Variants in AKAP19 observed in about 807,000 individuals in gnomAD.
AKAP19 encodes the protein A-kinase anchoring protein 19.
chr2:190,008,769 CACCCA>C, the AKAP19 span, among the ~76,000 whole-genome samples: 5 of 35,356 alleles, frequency 1.4e-4, no homozygotes, highest in Middle Eastern at 0.02. Flanking sequence ...CACACACACA[CACCCA>C]CCTGGTCTCC....
chr2:190,023,578 G>T, the AKAP19 span, among the ~76,000 whole-genome samples: 2 of 151,542 alleles, frequency 1.3e-5, no homozygotes, highest in East Asian at 3.9e-4. Context: ...TAATAATTTG[G>T]GGAAAAATAT....
chr2:189,986,823 G>A, the AKAP19 span, among the ~76,000 whole-genome samples: 6 of 152,144 alleles, frequency 3.9e-5, no homozygotes, highest in Non-Finnish European at 5.9e-5. Context: ...CTTTCCTAAA[G>A]CCTCCTTCAA....
At chr2:190,017,012 T>C in the AKAP19 span, among the ~76,000 whole-genome samples, 1 of 152,202 alleles carries the variant, frequency 6.6e-6, no homozygotes. Flanking sequence ...CTTGATAAAT[T>C]GACCCTTTTA....
At chr2:190,073,877 C>A in the AKAP19 span, among the ~76,000 whole-genome samples, 19 of 151,914 alleles carry the variant, frequency 1.3e-4, no homozygotes, top group African/African-American at 4.6e-4. Flanking sequence ...ATGGTGAAAC[C>A]CCATCTCTAC....
the AKAP19 span, among the ~76,000 whole-genome samples, chr2:190,077,443 A>AC: frequency 1.5e-5 from 2 of 134,244 alleles, no homozygotes; most frequent in African/African-American, 7.5e-5. Flanking sequence ...TAAACATTTA[A>AC]AATGTTAACA....
the AKAP19 span, among the ~76,000 whole-genome samples, chr2:190,113,244 A>T: frequency 2.0e-5 from 3 of 151,956 alleles, no homozygotes; most frequent in African/African-American, 7.3e-5. Flanking sequence ...TTTCCTCATG[A>T]TATTCTCCTT....
chr2:190,180,970 A>T, the AKAP19 span: 3 of 985,512 alleles, frequency 3.0e-6, no homozygotes, highest in Non-Finnish European at 3.6e-6. This position sits in a 1 kb window ranked among gnomAD's most constrained non-coding sequence, Gnocchi z 6.8. Context: ...GCCCGCCCAG[A>T]CGCCAGCAAG....
chr2:190,068,729 G>C, the AKAP19 span, among the ~76,000 whole-genome samples: 1 of 152,186 alleles, frequency 6.6e-6, no homozygotes, highest in Non-Finnish European at 1.5e-5. Flanking sequence ...GCAAGGTGTA[G>C]TTAGTGTATT....
At chr2:190,062,689 C>T in the AKAP19 span, 3 of 1,228,694 alleles carry the variant, frequency 2.4e-6, no homozygotes, top group Non-Finnish European at 3.4e-6. Context: ...AATTTTAATG[C>T]ATGTACAGTC....
chr2:190,006,277 C>A, the AKAP19 span, among the ~76,000 whole-genome samples: 12 of 152,220 alleles, frequency 7.9e-5, no homozygotes, highest in Non-Finnish European at 1.0e-4. Context: ...GCTTCCCCAA[C>A]CTTACCATCA....
At chr2:190,070,847 A>G in the AKAP19 span, among the ~76,000 whole-genome samples, 3 of 152,338 alleles carry the variant, frequency 2.0e-5, no homozygotes, top group East Asian at 5.8e-4. Context: ...GGTAAAATTC[A>G]AATACTTGAT....
the AKAP19 span, among the ~76,000 whole-genome samples, chr2:190,020,572 A>G: frequency 3.3e-5 from 5 of 152,138 alleles, no homozygotes; most frequent in Non-Finnish European, 7.4e-5. Context: ...TCACTTAAAT[A>G]CTCTGGTTGA....
At chr2:190,114,825 G>A in the AKAP19 span, among the ~76,000 whole-genome samples, 1 of 152,028 alleles carries the variant, frequency 6.6e-6, no homozygotes, top group African/African-American at 2.4e-5. Context: ...CTTCTAACCA[G>A]TGTTGCTATT....
chr2:190,039,307 G>T, the AKAP19 span, among the ~76,000 whole-genome samples: 1 of 152,118 alleles, frequency 6.6e-6, no homozygotes, highest in African/African-American at 2.4e-5. Context: ...TCAAACTCCT[G>T]ACCTCAGGTG....
the AKAP19 span, among the ~76,000 whole-genome samples, chr2:190,010,968 A>T: frequency 2.7e-5 from 4 of 148,278 alleles, no homozygotes; most frequent in Admixed American, 6.7e-5. Flanking sequence ...CTATATATAT[A>T]TTTTTGATAT....
At chr2:190,100,587 A>G in the AKAP19 span, among the ~76,000 whole-genome samples, 1 of 152,238 alleles carries the variant, frequency 6.6e-6, no homozygotes, top group Non-Finnish European at 1.5e-5. Flanking sequence ...GGCTTAAAAA[A>G]GTAGAATAAC....
the AKAP19 span, among the ~76,000 whole-genome samples, chr2:189,963,396 C>T: frequency 6.6e-6 from 1 of 152,084 alleles, no homozygotes; most frequent in African/African-American, 2.4e-5. Flanking sequence ...AGGGTTTCAC[C>T]TCGTCAGCCA....
chr2:190,070,191 A>G, the AKAP19 span, among the ~76,000 whole-genome samples: 5 of 152,198 alleles, frequency 3.3e-5, no homozygotes, highest in South Asian at 1.0e-3. Flanking sequence ...TTTGGCAATT[A>G]GTATAGGAGT....
the AKAP19 span, among the ~76,000 whole-genome samples, chr2:190,184,441 T>C: frequency 5.3e-5 from 8 of 152,374 alleles, 1 homozygote; most frequent in Admixed American, 3.9e-4. Context: ...ACATGGATAG[T>C]TGATAAATAG....
Sources: gnomAD v4.1 joint callset for allele counts (sites outside exome capture counted in the v4.1 genomes callset) on GRCh38, gnomAD v4.1.1 for gene constraint, Gnocchi (gnomAD v3.1) non-coding constraint, MANE v1.5 for transcripts, NCBI Gene and HGNC (gene_info 2026-07-23, HGNC 2026-07-21) for gene names.